The following PRR5L variants were observed in gnomAD, a reference collection of about 807,000 sequenced individuals.
The protein encoded by PRR5L is proline-rich protein 5-like.
PRR5L carries 21 observed loss-of-function variants against 36.4 expected under a neutral mutation model. That is an observed-to-expected ratio of 0.58 (90% CI 0.41 to 0.83). The LOEUF (loss-of-function observed/expected upper bound fraction) is 0.83, where lower values mean the gene tolerates loss of function less well. PRR5L is among the 40% of genes least tolerant of loss of function. The probability of loss-of-function intolerance (pLI) is 0.00; values close to 1 mark genes in which losing one functional copy is unlikely to be tolerated. For synonymous variants in PRR5L, 188 were observed against 197.0 expected, an observed-to-expected ratio of 0.95 and a Z score of 0.38; for missense variants, 381 against 473.3, an observed-to-expected ratio of 0.80 and a Z score of 1.81.
intron 1 of PRR5L, among the ~76,000 whole-genome samples, chr11:36,324,327 T>G (rs1856639929): frequency 6.6e-6 from 1 of 152,206 alleles, no homozygotes; most frequent in African/African-American, 2.4e-5. Context: ...TAGATAATGT[T>G]AAAGAACAGT....
At chr11:36,398,983 A>G (rs879899786) in intron 1 of PRR5L, among the ~76,000 whole-genome samples, 2 of 152,256 alleles carry the variant, frequency 1.3e-5, no homozygotes, top group Non-Finnish European at 2.9e-5. Context: ...TAGCAGGTCC[A>G]TTTGAAGAAT....
intron 1 of PRR5L, among the ~76,000 whole-genome samples, chr11:36,306,797 T>A (rs796847038): frequency 6.6e-6 from 1 of 152,324 alleles, no homozygotes; most frequent in African/African-American, 2.4e-5. Flanking sequence ...GTGTTCATAG[T>A]GATTTCATTG....
chr11:36,359,355 T>C (rs2133500121), intron 1 of PRR5L, among the ~76,000 whole-genome samples: 1 of 152,336 alleles, frequency 6.6e-6, no homozygotes, highest in South Asian at 2.1e-4. Flanking sequence ...AGAGAGGTGA[T>C]TTGACCAGAA....
At chr11:36,324,393 A>C (rs1856640385) in intron 1 of PRR5L, among the ~76,000 whole-genome samples, 1 of 152,328 alleles carries the variant, frequency 6.6e-6, no homozygotes, top group South Asian at 2.1e-4. Flanking sequence ...AAGTGAAGGC[A>C]ATAGACTGGA....
chr11:36,364,474 G>A (rs1173955305), intron 1 of PRR5L, among the ~76,000 whole-genome samples: 2 of 152,072 alleles, frequency 1.3e-5, no homozygotes, highest in East Asian at 1.9e-4. Flanking sequence ...CTGCTCTTCG[G>A]TGTCTTCATC....
intron 5 of PRR5L, among the ~76,000 whole-genome samples, chr11:36,432,548 T>C (rs1316712998): frequency 5.9e-5 from 9 of 152,204 alleles, no homozygotes; most frequent in Admixed American, 1.3e-4. Context: ...AAGTGGGGCT[T>C]GATCTTAGCT....
chr11:36,373,877 A>G (rs967567962), intron 1 of PRR5L, among the ~76,000 whole-genome samples: 3 of 152,100 alleles, frequency 2.0e-5, no homozygotes, highest in African/African-American at 7.2e-5. Flanking sequence ...AAATAAGTTC[A>G]TTTCTATGTC....
At chr11:36,436,698 T>C (rs543042060) in intron 5 of PRR5L, among the ~76,000 whole-genome samples, 22 of 152,312 alleles carry the variant, frequency 1.4e-4, no homozygotes, top group African/African-American at 4.8e-4. Flanking sequence ...GCTGTGCACA[T>C]GATCTTCCTG....
intron 4 of PRR5L, among the ~76,000 whole-genome samples, chr11:36,429,591 G>A (rs1834161671): frequency 6.6e-6 from 1 of 152,032 alleles, no homozygotes; most frequent in Admixed American, 6.6e-5. Context: ...ACCTCTATAG[G>A]TGCATCTCAG....
At chr11:36,298,450 T>C (rs916072089) in intron 1 of PRR5L, among the ~76,000 whole-genome samples, 3 of 152,220 alleles carry the variant, frequency 2.0e-5, no homozygotes, top group African/African-American at 7.2e-5. Context: ...TGGGAACCAG[T>C]GACAGATCAT....
At chr11:36,439,602 T>C (rs1279697537) in intron 6 of PRR5L, among the ~76,000 whole-genome samples, 1 of 152,084 alleles carries the variant, frequency 6.6e-6, no homozygotes, top group Non-Finnish European at 1.5e-5. Context: ...ATTAGCTGAA[T>C]TGGGTTTGGG....
At chr11:36,398,613 T>C (rs1304491407) in intron 1 of PRR5L, 1 of 152,258 alleles carries the variant, frequency 6.6e-6, no homozygotes, top group Non-Finnish European at 1.5e-5. Context: ...TGTGTGTGAC[T>C]GTGCAGTTTA....
rs1034062836 is a variant in PRR5L at position 36,463,760 on chromosome 11, G to A, written c.*1024G>A. On this transcript the variant is annotated 3_prime_UTR_variant, in exon 9 of 9. Coordinates refer to ENST00000530639, the MANE Select transcript of PRR5L (RefSeq NM_001160167.2). ...GCTCCTGGGAAAAGAGACTGGAAGT[G>A]GTTCAGGATAAAGAGATCCATGGTG... 3 of 152,486 alleles carry A rather than the reference G, an allele frequency of 2.0e-5. No individual in the cohort carries two copies. The highest frequency in any genetic ancestry group is 7.2e-5 in the African/African-American group (3 of 41,408). The allele number at this position is 152,486 out of a possible 1,614,324, so 9.4% of individuals were successfully genotyped here.
Position 36,400,964 on chromosome 11 carries a change from G to C in PRR5L, c.-125-33G>C. Reference sequence around the variant, plus strand: ...CCTCTAAGAGGTGTTCTCAGGCCAGGAGTTCTCAATAAAAGCTTCCCTCTC... The same window carrying C: ...CCTCTAAGAGGTGTTCTCAGGCCAGCAGTTCTCAATAAAAGCTTCCCTCTC... On this transcript the variant is annotated intron_variant, in intron 1 of 8. Transcript: ENST00000530639. The C allele has an allele frequency of 3.5e-6, 5 of 1,421,708 alleles. 1 individual carries two copies. In the South Asian group the frequency reaches 8.0e-5, roughly 23 times the overall value. 88.1% of individuals were successfully genotyped at this position (1,421,708 alleles called of 1,614,324 possible).
chr11:36,393,889 G>T (rs1252218333), intron 1 of PRR5L: 1 of 152,156 alleles, frequency 6.6e-6, no homozygotes, highest in East Asian at 1.9e-4. Context: ...GGGCATGAGT[G>T]CACAGAGGAA....
intron 1 of PRR5L, among the ~76,000 whole-genome samples, chr11:36,386,819 A>T (rs1449599412): frequency 6.6e-6 from 1 of 152,222 alleles, no homozygotes; most frequent in Non-Finnish European, 1.5e-5. Context: ...TAACTGAGGG[A>T]ATAGATGCAA....
At chr11:36,343,502 A>C (rs1277542158) in intron 1 of PRR5L, among the ~76,000 whole-genome samples, 1 of 152,190 alleles carries the variant, frequency 6.6e-6, no homozygotes, top group Non-Finnish European at 1.5e-5. Context: ...GGTTGGCCTG[A>C]ACAGCTAAAA....
rs866165874 is a variant in PRR5L at position 36,424,163 on chromosome 11, A to G, written c.294+4860A>G. 3.9e-5 allele frequency among the ~76,000 whole-genome samples: 6 copies of G among 152,376 alleles called. No homozygotes were observed. The South Asian group carries it at 1.2e-3, about 32-fold the overall frequency. The stretch of plus-strand genomic sequence containing the variant: ...TAAAGATGAAAATCAATAGGCTTGC[A>G]GAAGTGGCAAATCTTTATCCTCATT... On this transcript the variant is annotated intron_variant, in intron 4 of 8. Transcript: ENST00000530639.
chr11:36,411,038 T>C (rs1443649023), intron 3 of PRR5L, among the ~76,000 whole-genome samples: 1 of 152,208 alleles, frequency 6.6e-6, no homozygotes, highest in Non-Finnish European at 1.5e-5. Context: ...TAACTACTGA[T>C]ATGGTTATTC....
Sources: gnomAD v4.1 joint callset for allele counts (sites outside exome capture counted in the v4.1 genomes callset) on GRCh38, gnomAD v4.1.1 for gene constraint, MANE v1.5 for transcripts, NCBI Gene and HGNC (gene_info 2026-07-23, HGNC 2026-07-21) for gene names.